Variants in LUZP2 observed in about 807,000 individuals in gnomAD.
The protein encoded by LUZP2 is leucine zipper protein 2.
LUZP2 carries 52 observed loss-of-function variants against 51.6 expected under a neutral mutation model. The observed-to-expected ratio is 1.01, with a 90% CI of 0.81 to 1.27. The LOEUF is 1.27. Ranked by LOEUF, LUZP2 falls within the 50% of genes most tolerant of loss-of-function variation. LUZP2 has a pLI of 0.00. For synonymous variants in LUZP2, 154 were observed against 137.3 expected, an observed-to-expected ratio of 1.12 and a Z score of -0.85; for missense variants, 436 against 395.4, an observed-to-expected ratio of 1.10 and a Z score of -0.87.
At chr11:25,060,356 C>G (rs1382208031) in intron 10 of LUZP2, among the ~76,000 whole-genome samples, 9 of 152,168 alleles carry the variant, frequency 5.9e-5, no homozygotes, top group Admixed American at 5.9e-4. Flanking sequence ...GATGATGTCT[C>G]TGAAGCCTCT....
rs1278048546 is a variant in LUZP2 at position 24,741,922 on chromosome 11, T to A, written c.333+3620T>A. On this transcript the variant is annotated intron_variant, in intron 4 of 11. Coordinates refer to ENST00000336930, the MANE Select transcript of LUZP2 (RefSeq NM_001009909.4). ...ATATATTTCTATATAATATATACAT[T>A]TATATATTATATATAAATATATACA... Among the ~76,000 whole-genome samples the A allele has an allele frequency of 3.3e-4, 6 of 18,014 alleles. No individual in the cohort carries two copies. The South Asian group carries it at 0.012, about 35-fold the overall frequency. The allele number at this position is 18,014 out of a possible 152,430, so 11.8% of individuals were successfully genotyped here.
At chr11:24,722,674 T>G (rs905225390) in intron 1 of LUZP2, among the ~76,000 whole-genome samples, 1 of 152,022 alleles carries the variant, frequency 6.6e-6, no homozygotes, top group Admixed American at 6.6e-5. Flanking sequence ...TCCCAGCACT[T>G]TGGGAGGCCA....
At chr11:24,847,695 T>A (rs1445163329) in intron 5 of LUZP2, among the ~76,000 whole-genome samples, 3 of 152,142 alleles carry the variant, frequency 2.0e-5, no homozygotes, top group Non-Finnish European at 2.9e-5. Flanking sequence ...TAGCATTCGT[T>A]GATGAATATT....
chr11:24,780,154 T>C (rs936458665), intron 5 of LUZP2, among the ~76,000 whole-genome samples: 5 of 152,162 alleles, frequency 3.3e-5, no homozygotes, highest in African/African-American at 4.8e-5. Context: ...GTAGGGCAGG[T>C]ATTCAGGTTA....
intron 9 of LUZP2, among the ~76,000 whole-genome samples, chr11:25,005,483 G>A (rs1179072250): frequency 6.6e-6 from 1 of 152,042 alleles, no homozygotes; most frequent in Non-Finnish European, 1.5e-5. Context: ...GCCAGGCCAT[G>A]GTGCAGAAAA....
chr11:24,594,083 T>G (rs1231883971), intron 1 of LUZP2, among the ~76,000 whole-genome samples: 3 of 152,234 alleles, frequency 2.0e-5, no homozygotes, highest in Non-Finnish European at 4.4e-5. Context: ...AAATGCACTA[T>G]CGTTTCTTAC....
chr11:24,616,231 C>A (rs1009876328), intron 1 of LUZP2, among the ~76,000 whole-genome samples: 1 of 151,482 alleles, frequency 6.6e-6, no homozygotes, highest in Non-Finnish European at 1.5e-5. Flanking sequence ...CATTTTTTTT[C>A]TTTTATGGAT....
At chr11:24,540,341 G>C (rs186544987) in intron 1 of LUZP2, among the ~76,000 whole-genome samples, 48 of 152,104 alleles carry the variant, frequency 3.2e-4, no homozygotes, top group African/African-American at 1.1e-3. Context: ...TTGGAGATGG[G>C]GCCTTTGGGA....
intron 5 of LUZP2, among the ~76,000 whole-genome samples, chr11:24,896,115 T>C (rs1046110618): frequency 9.2e-5 from 14 of 152,244 alleles, no homozygotes; most frequent in African/African-American, 2.9e-4. Flanking sequence ...TTCTCCATAT[T>C]GAGAGATGAC....
At chr11:24,914,334 G>C (rs940801066) in intron 6 of LUZP2, 142 bp from the exon 7 acceptor site, 8 of 634,656 alleles carry the variant, frequency 1.3e-5, no homozygotes, top group African/African-American at 1.2e-4. Flanking sequence ...CAGAGCTAAG[G>C]GTTTCTGCTT....
chr11:24,725,610 G>A (rs974225443), intron 1 of LUZP2, among the ~76,000 whole-genome samples: 2 of 151,844 alleles, frequency 1.3e-5, no homozygotes, highest in African/African-American at 2.4e-5. Context: ...AGGGGTAAAT[G>A]TAAATACCAA....
intron 1 of LUZP2, among the ~76,000 whole-genome samples, chr11:24,628,637 C>T (rs1242954066): frequency 1.3e-5 from 2 of 152,154 alleles, no homozygotes; most frequent in African/African-American, 4.8e-5. Flanking sequence ...CGGCTCACTG[C>T]AATCTCCACC....
At chr11:25,013,116 CG>C (rs950233763) in intron 9 of LUZP2, among the ~76,000 whole-genome samples, 2 of 151,968 alleles carry the variant, frequency 1.3e-5, no homozygotes, top group African/African-American at 2.4e-5. Flanking sequence ...TGAAATAAGC[CG>C]GGGACCAAAA....
intron 7 of LUZP2, among the ~76,000 whole-genome samples, chr11:24,955,024 T>C (rs1255541282): frequency 6.6e-6 from 1 of 151,930 alleles, no homozygotes; most frequent in East Asian, 1.9e-4. Context: ...TTCAATGAAC[T>C]ATAAAGAAGG....
chr11:25,070,837 A>C (rs886519376), intron 10 of LUZP2, among the ~76,000 whole-genome samples: 4 of 146,836 alleles, frequency 2.7e-5, no homozygotes. Flanking sequence ...TAAAATTATA[A>C]ACTGCCTGAC....
chr11:25,078,540 G>T lies in LUZP2; in HGVS notation c.937-14G>T, dbSNP rs778719738. On this transcript the variant is annotated splice_polypyrimidine_tract_variant and intron_variant, in intron 11 of 11. Transcript: ENST00000336930. ...TTTGATTCTTCGAATTGTCTTTTCT[G>T]TATTGTTTAACAGAAATTGCAAATG... 8.8e-6 allele frequency: 14 copies of T among 1,595,726 alleles called. No individual in the cohort carries two copies. In the South Asian group the frequency reaches 1.5e-4, roughly 17 times the overall value.
intron 1 of LUZP2, among the ~76,000 whole-genome samples, chr11:24,507,357 G>A (rs1430822765): frequency 1.3e-5 from 2 of 152,028 alleles, no homozygotes; most frequent in African/African-American, 2.4e-5. Context: ...ATGGGAAGAT[G>A]TTGATGTTTT....
At chr11:24,677,831 C>T (rs1000536212) in intron 1 of LUZP2, among the ~76,000 whole-genome samples, 8 of 151,964 alleles carry the variant, frequency 5.3e-5, no homozygotes, top group Non-Finnish European at 7.4e-5. Context: ...GGGCCGATCA[C>T]GAGGTCAGGA....
At chr11:24,984,055 T>C (rs1856118364) in intron 9 of LUZP2, among the ~76,000 whole-genome samples, 1 of 151,620 alleles carries the variant, frequency 6.6e-6, no homozygotes, top group African/African-American at 2.4e-5. Context: ...GAAATAATCT[T>C]TGGGGGAGGG....
Sources: allele counts gnomAD v4.1 joint callset (sites outside exome capture counted in the v4.1 genomes callset), GRCh38; gene constraint gnomAD v4.1.1; transcripts MANE v1.5; gene names NCBI Gene and HGNC (gene_info 2026-07-23, HGNC 2026-07-21).